The following AFF3 variants were observed in gnomAD, a reference collection of about 807,000 sequenced individuals.
The protein encoded by AFF3 is AF4/FMR2 family member 3.
In AFF3, 32 loss-of-function variants were observed where a neutral mutation model predicts 129.7. That is an observed-to-expected ratio of 0.25 (90% CI 0.19 to 0.33). The LOEUF (loss-of-function observed/expected upper bound fraction) is 0.33, where lower values mean the gene tolerates loss of function less well. Ranked by LOEUF, AFF3 falls within the 10% of genes least tolerant of loss-of-function variation. AFF3 has a pLI of 1.00. For synonymous variants in AFF3, 644 were observed against 635.4 expected (o/e 1.01, Z -0.20); for missense variants, 1,373 against 1,592.0 (o/e 0.86, Z 2.34).
chr2:99,837,875 C>T (rs1268545349), intron 7 of AFF3, among the ~76,000 whole-genome samples: 1 of 152,134 alleles, frequency 6.6e-6, no homozygotes, highest in African/African-American at 2.4e-5. Flanking sequence ...GAAACTGTGG[C>T]CTCCGCTACA....
At chr2:99,951,111 G>A (rs1033971480) in intron 7 of AFF3, among the ~76,000 whole-genome samples, 4 of 152,062 alleles carry the variant, frequency 2.6e-5, no homozygotes, top group African/African-American at 9.7e-5. Context: ...CATTCTAATT[G>A]AAACTATACC....
chr2:100,021,325 C>T (rs1198500120), intron 4 of AFF3, among the ~76,000 whole-genome samples: 10 of 152,292 alleles, frequency 6.6e-5, no homozygotes, highest in Admixed American at 4.6e-4. Flanking sequence ...TCCTGAAACA[C>T]GCAACCTGGT....
At chr2:99,574,902 C>T (rs148378350) in intron 18 of AFF3, among the ~76,000 whole-genome samples, 5 of 152,218 alleles carry the variant, frequency 3.3e-5, no homozygotes, top group Admixed American at 6.5e-5. Context: ...TCTTCACCCT[C>T]GGTGAAGAGA....
At position 99,550,272 on chromosome 2, in the gene AFF3, G is replaced by C. The variant is rs1674315382; in HGVS notation, c.*1202C>G. 8.7e-6 allele frequency: 2 copies of C among 231,088 alleles called. No homozygotes were observed. The highest frequency in any genetic ancestry group is 1.7e-5 in the Non-Finnish European group (2 of 116,696). The allele number at this position is 231,088 out of a possible 1,614,324, so 14.3% of individuals were successfully genotyped here. The stretch of plus-strand genomic sequence containing the variant: ...GACACAGGAAGAGGCTCTGGTTGCT[G>C]CTGCCCCAGAAAGGAACTGTGATCT... On this transcript the variant is annotated 3_prime_UTR_variant, in exon 25 of 25. Transcript: ENST00000672756.
At chr2:99,947,072 C>T (rs1210905258) in intron 7 of AFF3, among the ~76,000 whole-genome samples, 1 of 152,094 alleles carries the variant, frequency 6.6e-6, no homozygotes, top group East Asian at 1.9e-4. Context: ...ATGTCCAAAG[C>T]TCTGTATTAA....
At chr2:99,575,609 C>T (rs1454691685) in intron 18 of AFF3, among the ~76,000 whole-genome samples, 3 of 151,874 alleles carry the variant, frequency 2.0e-5, no homozygotes, top group Non-Finnish European at 2.9e-5. Flanking sequence ...TTTCTTAGTT[C>T]GATGGTTGAG....
intron 7 of AFF3, among the ~76,000 whole-genome samples, chr2:99,953,661 C>T (rs995409576): frequency 6.6e-6 from 1 of 152,054 alleles, no homozygotes; most frequent in East Asian, 1.9e-4. Context: ...ATTGTAATAC[C>T]CATTCTGGGG....
intron 7 of AFF3, among the ~76,000 whole-genome samples, chr2:99,855,810 G>C (rs1690483688): frequency 6.6e-6 from 1 of 152,120 alleles, no homozygotes; most frequent in Admixed American, 6.6e-5. Context: ...GGATAATTCT[G>C]GAGTGGAGAA....
At chr2:100,105,335 C>T (rs776825465) in intron 3 of AFF3, 169 bp downstream of exon 3, 54 of 1,214,246 alleles carry the variant, frequency 4.4e-5, no homozygotes, top group African/African-American at 1.1e-4. Context: ...CCAAACAAAC[C>T]GTTTAAGGTC....
intron 11 of AFF3, among the ~76,000 whole-genome samples, chr2:99,676,290 G>C (rs532520861): frequency 3.3e-5 from 5 of 152,156 alleles, no homozygotes; most frequent in African/African-American, 9.7e-5. Flanking sequence ...AGGGATGTCC[G>C]TCCGTAGCAG....
At chr2:99,770,654 C>T (rs1314092138) in intron 8 of AFF3, among the ~76,000 whole-genome samples, 1 of 152,182 alleles carries the variant, frequency 6.6e-6, no homozygotes, top group Non-Finnish European at 1.5e-5. Context: ...ACCTGGGTAT[C>T]ACTGCTGGTT....
intron 7 of AFF3, among the ~76,000 whole-genome samples, chr2:99,971,685 A>G (rs1313397223): frequency 6.6e-6 from 1 of 152,220 alleles, no homozygotes; most frequent in Non-Finnish European, 1.5e-5. Flanking sequence ...GGGTAATATG[A>G]TCATAAAATA....
chr2:100,123,057 T>C (rs1005532661), intron 2 of AFF3, among the ~76,000 whole-genome samples: 1 of 152,222 alleles, frequency 6.6e-6, no homozygotes, highest in African/African-American at 2.4e-5. Context: ...TGTTCAAAAA[T>C]GGATGTAAAA....
intron 8 of AFF3, among the ~76,000 whole-genome samples, chr2:99,764,886 T>C (rs1682884363): frequency 6.6e-6 from 1 of 152,052 alleles, no homozygotes; most frequent in African/African-American, 2.4e-5. Context: ...ATAATTGGCC[T>C]GATTTTAAAT....
chr2:100,125,875 G>C (rs1230484016), intron 2 of AFF3, among the ~76,000 whole-genome samples: 1 of 152,058 alleles, frequency 6.6e-6, no homozygotes, highest in Non-Finnish European at 1.5e-5. Context: ...GGTAGGCAGG[G>C]GCCAGGTTTA....
chr2:99,976,906 G>A (rs568303266), intron 7 of AFF3, among the ~76,000 whole-genome samples: 1 of 151,806 alleles, frequency 6.6e-6, no homozygotes, highest in Admixed American at 6.6e-5. Context: ...ATTCCACCTG[G>A]GGAGAAGAGA....
intron 18 of AFF3, 27 bp downstream of exon 18, chr2:99,578,300 A>G: frequency 6.3e-7 from 1 of 1,576,870 alleles, no homozygotes; most frequent in Non-Finnish European, 8.6e-7. Context: ...CTTGCCCCTC[A>G]CCACATTTAA....
intron 7 of AFF3, among the ~76,000 whole-genome samples, chr2:99,922,861 T>C (rs1695949066): frequency 6.6e-6 from 1 of 152,164 alleles, no homozygotes; most frequent in African/African-American, 2.4e-5. Context: ...GCCACTCCTC[T>C]GCCAACAGTA....
chr2:99,727,409 A>T lies in AFF3; in HGVS notation c.1040-281T>A, dbSNP rs545164626. Among the ~76,000 whole-genome samples the T allele has an allele frequency of 2.0e-5, 3 of 152,356 alleles. No individual in the cohort carries two copies. In the East Asian group the frequency reaches 5.8e-4, roughly 29 times the overall value. The stretch of plus-strand genomic sequence containing the variant: ...CTTTGCCAGAAGATGAATATCTTAC[A>T]GATGGAACCTGTTTCCTTCCACTTC... On this transcript the variant is annotated intron_variant, in intron 10 of 24. Transcript: ENST00000672756.
Sources: allele counts gnomAD v4.1 joint callset (sites outside exome capture counted in the v4.1 genomes callset), GRCh38; gene constraint gnomAD v4.1.1; transcripts MANE v1.5; gene names NCBI Gene and HGNC (gene_info 2026-07-23, HGNC 2026-07-21).